CD1B: variants seen among roughly 807,000 people sequenced by gnomAD.
CD1B encodes T-cell surface glycoprotein CD1b.
CD1B carries 43 observed loss-of-function variants against 39.8 expected under a neutral mutation model. The ratio of observed to expected loss-of-function variants is 1.08; its 90% CI spans 0.85 to 1.39. The LOEUF is 1.39. Ranked by LOEUF, CD1B falls within the 40% of genes most tolerant of loss-of-function variation. The probability of loss-of-function intolerance (pLI) is 0.00; values close to 1 mark genes in which losing one functional copy is unlikely to be tolerated. For missense variants in CD1B, 495 were observed against 403.8 expected, an observed-to-expected ratio of 1.23 and a Z score of -1.94; for synonymous variants, 192 against 152.5, an observed-to-expected ratio of 1.26 and a Z score of -1.91.
chr1:158,309,929 T>G, the CD1B span, among the ~76,000 whole-genome samples: 1,820 of 151,708 alleles, frequency 0.012, 37 homozygotes, highest in African/African-American at 0.04. Flanking sequence ...CATGTATACA[T>G]ATGTAACTAA....
chr1:158,329,148 T>C, intron 4 of CD1B, 134 bp from the exon 5 acceptor site: 1 of 927,450 alleles, frequency 1.1e-6, no homozygotes, highest in Non-Finnish European at 1.6e-6. Flanking sequence ...CCACCATATA[T>C]CCATCCTTTG....
the CD1B span, among the ~76,000 whole-genome samples, chr1:158,304,882 T>C: frequency 8.1e-3 from 1,236 of 152,314 alleles, 16 homozygotes; most frequent in Middle Eastern, 0.02. Context: ...GGGTCCTGAC[T>C]GTTAGAAGGA....
At chr1:158,316,210 T>A in the CD1B span, among the ~76,000 whole-genome samples, 1 of 152,034 alleles carries the variant, frequency 6.6e-6, no homozygotes, top group Non-Finnish European at 1.5e-5. Flanking sequence ...ATTGGTAGCT[T>A]GATGGGGATG....
chr1:158,285,745 G>A, the CD1B span, among the ~76,000 whole-genome samples: 1 of 152,182 alleles, frequency 6.6e-6, no homozygotes, highest in African/African-American at 2.4e-5. Context: ...AGTTTTCATA[G>A]CTCTCAGACT....
At chr1:158,287,785 A>T in the CD1B span, among the ~76,000 whole-genome samples, 1 of 152,230 alleles carries the variant, frequency 6.6e-6, no homozygotes, top group Non-Finnish European at 1.5e-5. Context: ...TAGAACTTGG[A>T]GGCTTAACAC....
chr1:158,298,974 G>A, the CD1B span, among the ~76,000 whole-genome samples: 1 of 152,134 alleles, frequency 6.6e-6, no homozygotes, highest in Non-Finnish European at 1.5e-5. Flanking sequence ...GGGACAATTT[G>A]ACTTCCTCTG....
rs1652588770 is a variant in CD1B at position 158,331,210 on chromosome 1, C to T, written c.62-148G>A. ...GACACATTTGACTGCCTTAAGGCTTCAGGTTCTAGTCCCAACCACCAGAAT... is the reference window on the plus strand; with the variant it reads ...GACACATTTGACTGCCTTAAGGCTTTAGGTTCTAGTCCCAACCACCAGAAT... On this transcript the variant is annotated intron_variant, in intron 1 of 5. Transcript: ENST00000368168. 12 of 1,091,686 alleles carry T rather than the reference C, an allele frequency of 1.1e-5. No individual in the cohort carries two copies. The South Asian group carries it at 1.8e-4, about 16-fold the overall frequency. The allele number at this position is 1,091,686 out of a possible 1,614,324, so 67.6% of individuals were successfully genotyped here. A position where few individuals can be genotyped will look rare whatever the true frequency, so the allele number is the denominator to read the frequency against.
the CD1B span, among the ~76,000 whole-genome samples, chr1:158,304,011 G>A: frequency 2.0e-5 from 3 of 152,122 alleles, no homozygotes; most frequent in Non-Finnish European, 4.4e-5. Flanking sequence ...CTCCCAGCAT[G>A]AGCGACACAG....
At chr1:158,296,729 C>T in the CD1B span, among the ~76,000 whole-genome samples, 1 of 152,032 alleles carries the variant, frequency 6.6e-6, no homozygotes, top group African/African-American at 2.4e-5. Flanking sequence ...AACTGAAAGA[C>T]AAAATAGCCA....
chr1:158,301,315 T>A, the CD1B span, among the ~76,000 whole-genome samples: 268 of 152,272 alleles, frequency 1.8e-3, 1 homozygote, highest in Non-Finnish European at 2.9e-3. Context: ...TAAGTGTGAA[T>A]TTGATTCTGT....
chr1:158,312,106 C>A, the CD1B span, among the ~76,000 whole-genome samples: 1 of 152,020 alleles, frequency 6.6e-6, no homozygotes, highest in Admixed American at 6.6e-5. Flanking sequence ...TTTAACAATG[C>A]CAATTATTTC....
chr1:158,312,851 C>T, the CD1B span, among the ~76,000 whole-genome samples: 115 of 152,212 alleles, frequency 7.6e-4, 4 homozygotes, highest in South Asian at 0.023. Context: ...CTTTCTCTTG[C>T]CTAATTACCC....
chr1:158,329,629 C>G lies in CD1B; in HGVS notation c.627G>C (p.Leu209=). The change falls in exon 4 of 6, where the codon CTG becomes CTC. Residue 209 remains leucine (L), a synonymous_variant. Coordinates refer to ENST00000368168, the MANE Select transcript of CD1B (RefSeq NM_001764.3). ...LQRQVKPEAW[L]SSGPSPGPGR... ...CAGGTCCAGGACTGGGGCCACTGGACAGCCAGGCCTCAGGCTTCACTAAGG... is the reference window on the plus strand; with the variant it reads ...CAGGTCCAGGACTGGGGCCACTGGAGAGCCAGGCCTCAGGCTTCACTAAGG... 1.2e-6 allele frequency: 2 copies of G among 1,613,996 alleles called. No individual in the cohort carries two copies. Among genetic ancestry groups the G allele is most frequent in the Non-Finnish European group, 1.7e-6 (2 of 1,179,952 alleles).
At chr1:158,315,052 AT>A in the CD1B span, among the ~76,000 whole-genome samples, 165 of 149,486 alleles carry the variant, frequency 1.1e-3, 2 homozygotes, top group African/African-American at 4.0e-3. Flanking sequence ...AATCCAGTCT[AT>A]CATTGTTGGA....
the CD1B span, among the ~76,000 whole-genome samples, chr1:158,297,729 T>G: frequency 6.6e-6 from 1 of 152,068 alleles, no homozygotes; most frequent in Non-Finnish European, 1.5e-5. Context: ...TCCTATGAGT[T>G]TGAGACCAAC....
the CD1B span, among the ~76,000 whole-genome samples, chr1:158,301,539 A>G: frequency 6.6e-6 from 1 of 151,892 alleles, no homozygotes; most frequent in African/African-American, 2.4e-5. Flanking sequence ...TTTCTCCTTC[A>G]CTTATGATGC....
At chr1:158,292,662 A>G in the CD1B span, 3 of 1,613,654 alleles carry the variant, frequency 1.9e-6, no homozygotes, top group African/African-American at 1.3e-5. Context: ...CTGGTTTGTC[A>G]TGCCTCCGGC....
At chr1:158,301,540 C>T in the CD1B span, among the ~76,000 whole-genome samples, 26 of 152,212 alleles carry the variant, frequency 1.7e-4, no homozygotes, top group South Asian at 1.0e-3. Flanking sequence ...TTCTCCTTCA[C>T]TTATGATGCT....
At chr1:158,330,494 A>C (rs1343589085) in intron 2 of CD1B, 1 of 578,692 alleles carries the variant, frequency 1.7e-6, no homozygotes, top group South Asian at 1.9e-5. Flanking sequence ...ACGTTAGATC[A>C]CTCAGGCACA....
Sources: gnomAD v4.1 joint callset for allele counts (sites outside exome capture counted in the v4.1 genomes callset) on GRCh38, gnomAD v4.1.1 for gene constraint, MANE v1.5 for transcripts, NCBI Gene and HGNC (gene_info 2026-07-23, HGNC 2026-07-21) for gene names.